Variants in BCKDHB observed in about 807,000 individuals in gnomAD.
The protein encoded by BCKDHB is 2-oxoisovalerate dehydrogenase subunit beta, mitochondrial.
BCKDHB carries 41 observed loss-of-function variants against 48.5 expected under a neutral mutation model. That is an observed-to-expected ratio of 0.85 (90% confidence interval 0.66 to 1.10). BCKDHB has a LOEUF of 1.10. Ranked by LOEUF, BCKDHB falls within the 50% of genes least tolerant of loss-of-function variation. The pLI is 0.00. For missense variants in BCKDHB, 496 were observed against 494.2 expected, an observed-to-expected ratio of 1.00 and a Z score of -0.03; for synonymous variants, 201 against 174.8, an observed-to-expected ratio of 1.15 and a Z score of -1.18.
At chr6:80,393,143 T>C in the BCKDHB span, among the ~76,000 whole-genome samples, 1 of 152,138 alleles carries the variant, frequency 6.6e-6, no homozygotes, top group South Asian at 2.1e-4. Context: ...GAAACAGAAC[T>C]CTTTTGCTTT....
At chr6:80,448,682 A>C in the BCKDHB span, among the ~76,000 whole-genome samples, 35 of 152,350 alleles carry the variant, frequency 2.3e-4, no homozygotes, top group African/African-American at 8.4e-4. Context: ...TGAATCCCAA[A>C]TATCTTTCAT....
At chr6:80,257,431 TAC>T (rs1248128087) in intron 8 of BCKDHB, among the ~76,000 whole-genome samples, 1 of 31,920 alleles carries the variant, frequency 3.1e-5, no homozygotes, top group Non-Finnish European at 7.1e-5. Context: ...TCCTTAAAGA[TAC>T]ATATATATAT....
chr6:80,247,009 C>T (rs1252796615), intron 8 of BCKDHB, among the ~76,000 whole-genome samples: 1 of 152,122 alleles, frequency 6.6e-6, no homozygotes, highest in Non-Finnish European at 1.5e-5. Context: ...TTCTTTGAGC[C>T]AGGGAAACTG....
intron 1 of BCKDHB, among the ~76,000 whole-genome samples, chr6:80,114,553 A>T (rs1167832988): frequency 6.6e-6 from 1 of 152,106 alleles, no homozygotes; most frequent in Admixed American, 6.5e-5. Flanking sequence ...CTGGCTAGTG[A>T]TGCTAGATTT....
Position 80,201,042 on chromosome 6 carries a change from T to C in BCKDHB, c.840+11T>C. ...GCCTGGGGCACTCAGGTGAGTAGCATTGATCCCAACTGTTAAAACCTACGT... is the reference window on the plus strand; with the variant it reads ...GCCTGGGGCACTCAGGTGAGTAGCACTGATCCCAACTGTTAAAACCTACGT... On this transcript the variant is annotated intron_variant, in intron 7 of 9. Transcript: ENST00000320393. 1 of 1,582,902 alleles carries C rather than the reference T, an allele frequency of 6.3e-7. No individual in the cohort carries two copies. The highest frequency in any genetic ancestry group is 8.7e-7 in the Non-Finnish European group (1 of 1,151,868).
chr6:80,127,619 C>T lies in BCKDHB; in HGVS notation c.269C>T (p.Thr90Ile), dbSNP rs398124570. Residue 90 changes from threonine (T) to isoleucine (I), a missense_variant, in exon 2 of 10, where the codon ACT (threonine) becomes ATT (isoleucine). By Grantham distance (89) the Thr-to-Ile change is moderately conservative (BLOSUM62 -1). Coordinates refer to ENST00000320393, the MANE Select transcript of BCKDHB (RefSeq NM_183050.4). ...ALDNSLAKDP[T>I]AVIFGEDVAF... is the part of the protein sequence containing the mutation. ...GATAACTCATTGGCCAAAGATCCTA[C>T]TGCAGGTAACCCTGATATGTGCCTG... The T allele has an allele frequency of 6.8e-6, 11 of 1,611,842 alleles. No homozygotes were observed. In the South Asian group the frequency reaches 1.1e-4, roughly 16 times the overall value.
intron 8 of BCKDHB, among the ~76,000 whole-genome samples, chr6:80,227,353 T>A (rs1775722349): frequency 6.6e-6 from 1 of 152,076 alleles, no homozygotes; most frequent in Admixed American, 6.6e-5. Context: ...CTTTAGGGAG[T>A]CCAGTTGATT....
At chr6:80,375,503 G>T in the BCKDHB span, among the ~76,000 whole-genome samples, 1 of 151,474 alleles carries the variant, frequency 6.6e-6, no homozygotes, top group Non-Finnish European at 1.5e-5. Context: ...CAGAAGTTAT[G>T]ATTGCCTTTT....
At chr6:80,266,133 T>G (rs896086461) in intron 8 of BCKDHB, among the ~76,000 whole-genome samples, 3 of 152,072 alleles carry the variant, frequency 2.0e-5, no homozygotes, top group African/African-American at 4.8e-5. Context: ...TTTTCAACAG[T>G]TTTCTAAAAT....
chr6:80,322,483 C>T (rs995401389), intron 9 of BCKDHB, among the ~76,000 whole-genome samples: 27 of 151,956 alleles, frequency 1.8e-4, no homozygotes, highest in African/African-American at 6.0e-4. Flanking sequence ...GTGATCCACC[C>T]GCCTCGGCCT....
intron 5 of BCKDHB, among the ~76,000 whole-genome samples, chr6:80,170,798 G>A (rs1490308986): frequency 2.0e-5 from 3 of 152,116 alleles, no homozygotes; most frequent in Admixed American, 6.6e-5. Flanking sequence ...GTAAAACTCA[G>A]TGGACTAATT....
At chr6:80,136,778 A>G (rs953585754) in intron 3 of BCKDHB, among the ~76,000 whole-genome samples, 1 of 152,166 alleles carries the variant, frequency 6.6e-6, no homozygotes, top group Non-Finnish European at 1.5e-5. Flanking sequence ...CAATTAAAAA[A>G]ATAAGCAAAG....
intron 9 of BCKDHB, among the ~76,000 whole-genome samples, chr6:80,310,971 T>G (rs763181011): frequency 9.2e-5 from 14 of 152,238 alleles, no homozygotes; most frequent in Non-Finnish European, 1.9e-4. Flanking sequence ...TAAATTTGTT[T>G]AAGTTCCTTA....
chr6:80,339,390 A>C (rs1187421810), intron 9 of BCKDHB, among the ~76,000 whole-genome samples: 1 of 152,326 alleles, frequency 6.6e-6, no homozygotes, highest in Non-Finnish European at 1.5e-5. Context: ...TTTTAACAAG[A>C]TACTTCATTT....
intron 2 of BCKDHB, among the ~76,000 whole-genome samples, chr6:80,128,004 A>G (rs1770432833): frequency 6.6e-6 from 1 of 152,060 alleles, no homozygotes; most frequent in African/African-American, 2.4e-5. Flanking sequence ...TTGTCATTCA[A>G]CTTGTAATAT....
At chr6:80,203,044 A>G in intron 7 of BCKDHB, 58 bp from the exon 8 acceptor site, 1 of 1,124,766 alleles carries the variant, frequency 8.9e-7, no homozygotes, top group Admixed American at 1.7e-5. Flanking sequence ...GCATTCAACT[A>G]GTTTTTGAGG....
intron 9 of BCKDHB, among the ~76,000 whole-genome samples, chr6:80,336,134 CTAAAT>C (rs1322269526): frequency 6.6e-6 from 1 of 151,678 alleles, no homozygotes; most frequent in Non-Finnish European, 1.5e-5. Flanking sequence ...GTTATAATCT[CTAAAT>C]TAATACATAA....
At chr6:80,414,438 A>G in the BCKDHB span, among the ~76,000 whole-genome samples, 635 of 152,240 alleles carry the variant, frequency 4.2e-3, 3 homozygotes, top group Middle Eastern at 0.017. Context: ...TTTACATTGA[A>G]GTCCTTAATC....
chr6:80,392,020 T>A, the BCKDHB span, among the ~76,000 whole-genome samples: 2 of 152,104 alleles, frequency 1.3e-5, no homozygotes, highest in Admixed American at 1.3e-4. Context: ...TGAGATGGAG[T>A]CCCACTCTGT....
Sources: allele counts gnomAD v4.1 joint callset (sites outside exome capture counted in the v4.1 genomes callset), GRCh38; gene constraint gnomAD v4.1.1; transcripts MANE v1.5; gene names NCBI Gene and HGNC (gene_info 2026-07-23, HGNC 2026-07-21).